ZNF100: variants seen among roughly 807,000 people sequenced by gnomAD.
The protein encoded by ZNF100 is zinc finger protein 100.
Under a neutral mutation model 15.8 loss-of-function variants are expected in ZNF100, and 12 were observed. The ratio of observed to expected loss-of-function variants is 0.76; its 90% CI spans 0.49 to 1.23. The LOEUF (loss-of-function observed/expected upper bound fraction) is 1.23. ZNF100 is among the 50% of genes most tolerant of loss of function. The pLI is 0.00. For synonymous variants in ZNF100, 226 were observed against 214.8 expected (o/e 1.05, Z -0.45); for missense variants, 670 against 635.6 (o/e 1.05, Z -0.58).
Position 21,727,908 on chromosome 19 carries a change from T to C in ZNF100, c.404A>G (p.Tyr135Cys), listed in dbSNP as rs776148377. ...TAAATTGTCATGTCCATATTTTCCA[T>C]ATTTTTTCAGAATCGCTTCTTGAAA... ...DSFQEAILKK[Y>C]GKYGHDNLQL... The change falls in exon 5 of 5, where the codon TAT becomes TGT. Residue 135 changes from tyrosine (Y) to cysteine (C), a missense_variant. Physicochemically the swap from Tyr to Cys is radical, Grantham distance 194. Coordinates refer to ENST00000358296, the MANE Select transcript of ZNF100 (RefSeq NM_173531.4). The C allele has an allele frequency of 1.3e-5, 21 of 1,600,338 alleles. No individual in the cohort carries two copies. The highest frequency in any genetic ancestry group is 1.7e-5 in the Admixed American group (1 of 57,184).
intron 2 of ZNF100, among the ~76,000 whole-genome samples, chr19:21,764,634 C>T (rs187138568): frequency 4.0e-5 from 6 of 150,184 alleles, no homozygotes; most frequent in African/African-American, 1.2e-4. Context: ...AACCAGACTC[C>T]GTGTGGGGAA....
chr19:21,765,840 G>T, intron 1 of ZNF100, 54 bp from the exon 2 acceptor site: 1 of 1,537,272 alleles, frequency 6.5e-7, no homozygotes, highest in Non-Finnish European at 9.0e-7. Context: ...TTAGCTGACA[G>T]AACCATGGCG....
rs1204702032 is a variant in ZNF100 at position 21,727,970 on chromosome 19, G to C, written c.342C>G (p.Pro114=). The C allele has an allele frequency of 1.3e-6, 2 of 1,524,090 alleles. No homozygotes were observed. Among genetic ancestry groups the C allele is most frequent in the Non-Finnish European group, 1.8e-6 (2 of 1,141,900 alleles). The allele number at this position is 1,524,090 out of a possible 1,614,324, so 94.4% of individuals were successfully genotyped here. A position where few individuals can be genotyped will look rare whatever the true frequency, so the allele number is the denominator to read the frequency against. The change falls in exon 5 of 5, where the codon CCC becomes CCG. Residue 114 remains proline, a synonymous_variant. Transcript: ENST00000358296. ...TGTCCTGCTCTGCCCAAAGGTCTTG[G>C]GGAAAATGAGAACATATAACTGAAA... ...AKPPVICSHF[P]QDLWAEQDIK...
In ZNF100 at chr19:21,726,084, G is replaced by GT. The variant is rs2035778151; in HGVS notation, c.*598dup. On this transcript the variant is annotated 3_prime_UTR_variant, in exon 5 of 5. Transcript: ENST00000358296. ...TTTCCTCTAATACAAAACGTGTACAGTAAGATCTGTGATACAAGTAAACAT... is the reference window on the plus strand; with the variant it reads ...TTTCCTCTAATACAAAACGTGTACAGTTAAGATCTGTGATACAAGTAAACAT... The GT allele has an allele frequency of 6.6e-6, 1 of 152,250 alleles. No homozygotes were observed. The highest frequency in any genetic ancestry group is 1.9e-4 in the East Asian group (1 of 5,182). The allele number at this position is 152,250 out of a possible 1,614,324, so 9.4% of individuals were successfully genotyped here.
chr19:21,757,999 A>C (rs1182493033), intron 2 of ZNF100, among the ~76,000 whole-genome samples: 1 of 152,152 alleles, frequency 6.6e-6, no homozygotes, highest in Non-Finnish European at 1.5e-5. Flanking sequence ...ACTGTACTGC[A>C]CTTCAGCCTG....
intron 4 of ZNF100, among the ~76,000 whole-genome samples, chr19:21,734,396 A>G (rs185712100): frequency 6.6e-6 from 1 of 152,324 alleles, no homozygotes; most frequent in African/African-American, 2.4e-5. Context: ...GAAAAACAAC[A>G]TGAGAACCTC....
At chr19:21,731,690 A>T (rs183773509) in intron 4 of ZNF100, among the ~76,000 whole-genome samples, 5 of 152,310 alleles carry the variant, frequency 3.3e-5, no homozygotes, top group Non-Finnish European at 7.4e-5. Context: ...TTTAAAAAGC[A>T]GGAAATATTC....
intron 2 of ZNF100, among the ~76,000 whole-genome samples, chr19:21,747,968 T>C (rs945293925): frequency 8.6e-6 from 1 of 115,636 alleles, no homozygotes; most frequent in Non-Finnish European, 2.1e-5. Context: ...TTCTCTGTTA[T>C]TGATTTTTTA....
At position 21,744,163 on chromosome 19, in the gene ZNF100, C is replaced by T. The variant is rs750857033; in HGVS notation, c.224-48G>A. 3.3e-6 allele frequency: 5 copies of T among 1,534,344 alleles called. No individual in the cohort carries two copies. The East Asian group carries it at 1.2e-4, about 36-fold the overall frequency. On this transcript the variant is annotated intron_variant, in intron 3 of 4. Coordinates refer to ENST00000358296, the MANE Select transcript of ZNF100 (RefSeq NM_173531.4). The stretch of plus-strand genomic sequence containing the variant: ...GAATCTTTCTCATATTCTCCAATTA[C>T]CAACCTAGTACTATGCTTAGTAAAG...
At chr19:21,742,569 C>T (rs544288426) in intron 4 of ZNF100, among the ~76,000 whole-genome samples, 2 of 151,958 alleles carry the variant, frequency 1.3e-5, no homozygotes, top group East Asian at 3.9e-4. Context: ...GACACCAATG[C>T]AAAACTATAT....
intron 2 of ZNF100, among the ~76,000 whole-genome samples, chr19:21,756,813 G>A (rs190544194): frequency 6.6e-6 from 1 of 152,214 alleles, no homozygotes; most frequent in East Asian, 1.9e-4. Flanking sequence ...AAAGCTGGAG[G>A]TATTACATTA....
chr19:21,737,436 G>A (rs1399398453), intron 4 of ZNF100, among the ~76,000 whole-genome samples: 3 of 151,966 alleles, frequency 2.0e-5, no homozygotes, highest in East Asian at 3.9e-4. Context: ...TCAGGCGGCC[G>A]AGGCAGGAGA....
chr19:21,731,796 C>T (rs1209478556), intron 4 of ZNF100, among the ~76,000 whole-genome samples: 1 of 152,142 alleles, frequency 6.6e-6, no homozygotes, highest in Non-Finnish European at 1.5e-5. Context: ...GAAGCAGTCA[C>T]ATTCTTAGAA....
In ZNF100 at chr19:21,724,756, T is replaced by A. The variant is rs1011442160; in HGVS notation, c.*1927A>T. 1.3e-5 allele frequency: 2 copies of A among 152,052 alleles called. No individual in the cohort carries two copies. Among genetic ancestry groups the A allele is most frequent in the African/African-American group, 4.8e-5 (2 of 41,424 alleles). The allele number at this position is 152,052 out of a possible 1,614,324, so 9.4% of individuals were successfully genotyped here. A position where few individuals can be genotyped will look rare whatever the true frequency, so the allele number is the denominator to read the frequency against. On this transcript the variant is annotated 3_prime_UTR_variant, in exon 5 of 5. Coordinates refer to ENST00000358296, the MANE Select transcript of ZNF100 (RefSeq NM_173531.4). Reference sequence around the variant, plus strand: ...AATAATTAAGAAAAATAAATTTAAATAAAATAAACATTTGGCTGGGCACGG... The same window carrying A: ...AATAATTAAGAAAAATAAATTTAAAAAAAATAAACATTTGGCTGGGCACGG...
Position 21,744,082 on chromosome 19 carries a change from G to C in ZNF100, c.257C>G (p.Thr86Ser), listed in dbSNP as rs1360131204. 6.2e-7 allele frequency: 1 copy of C among 1,611,884 alleles called. No individual in the cohort carries two copies. Among genetic ancestry groups the C allele is most frequent in the Admixed American group, 1.7e-5 (1 of 59,508 alleles). Residue 86 changes from threonine to serine, a missense_variant, in exon 4 of 5, where the codon ACC (threonine) becomes AGC (serine). Physicochemically the swap from Thr to Ser is moderately conservative, Grantham distance 58. Coordinates refer to ENST00000358296, the MANE Select transcript of ZNF100 (RefSeq NM_173531.4). ...GIALTKPDLI[T>S]CLEQGKEPWN... ...GGGCTCTTTTCCTTGCTCCAGACAGGTGATCAGGTCTGGCTTAGTGAGAGC... is the reference window on the plus strand; with the variant it reads ...GGGCTCTTTTCCTTGCTCCAGACAGCTGATCAGGTCTGGCTTAGTGAGAGC...
At chr19:21,750,971 G>A (rs1599398225) in intron 2 of ZNF100, 1 of 1,021,400 alleles carries the variant, frequency 9.8e-7, no homozygotes, top group East Asian at 2.5e-5. Flanking sequence ...TGCGGTGGCG[G>A]TAGCGCCCGC....
intron 2 of ZNF100, chr19:21,751,656 T>C (rs962740146): frequency 1.1e-5 from 15 of 1,398,870 alleles, no homozygotes; most frequent in Non-Finnish European, 3.0e-6. Context: ...ATGAATGAAA[T>C]GGAAAGGCAT....
At chr19:21,751,598 T>A (rs2145730219) in intron 2 of ZNF100, 2 of 1,537,676 alleles carry the variant, frequency 1.3e-6, no homozygotes, top group East Asian at 2.2e-5. Flanking sequence ...TCAGGCTGTA[T>A]GGAATGTGGA....
chr19:21,760,973 T>C (rs2036475127), intron 2 of ZNF100, among the ~76,000 whole-genome samples: 1 of 152,000 alleles, frequency 6.6e-6, no homozygotes, highest in South Asian at 2.1e-4. Flanking sequence ...TTAGCCAGGA[T>C]AGTCTTGATC....
Sources: gnomAD v4.1 joint callset for allele counts (sites outside exome capture counted in the v4.1 genomes callset) on GRCh38, gnomAD v4.1.1 for gene constraint, MANE v1.5 for transcripts, NCBI Gene and HGNC (gene_info 2026-07-23, HGNC 2026-07-21) for gene names.